Variants in FSTL4 observed in about 807,000 individuals in gnomAD.
FSTL4 encodes follistatin like 4, also known as follistatin-related protein 4.
FSTL4 carries 28 observed loss-of-function variants against 78.2 expected under a neutral mutation model. That is an observed-to-expected ratio of 0.36 (90% CI 0.27 to 0.49). The LOEUF (loss-of-function observed/expected upper bound fraction) is 0.49, where lower values mean the gene tolerates loss of function less well. Among genes scored for constraint, FSTL4 ranks in the 20% least tolerant of loss-of-function variants. The probability of loss-of-function intolerance (pLI) is 0.98; values close to 1 mark genes in which losing one functional copy is unlikely to be tolerated. For synonymous variants in FSTL4, 422 were observed against 440.5 expected, an observed-to-expected ratio of 0.96 and a Z score of 0.53; for missense variants, 922 against 1,084.9, an observed-to-expected ratio of 0.85 and a Z score of 2.11.
chr5:133,527,472 T>TACACACAC (rs3065527), intron 3 of FSTL4, among the ~76,000 whole-genome samples: 1 of 90,572 alleles, frequency 1.1e-5, no homozygotes, highest in Non-Finnish European at 2.5e-5. Context: ...TGTGCACGTG[T>TACACACAC]ACACACACAC....
At chr5:133,269,057 C>T (rs1752704056) in intron 6 of FSTL4, among the ~76,000 whole-genome samples, 1 of 152,024 alleles carries the variant, frequency 6.6e-6, no homozygotes, top group African/African-American at 2.4e-5. Context: ...TGGCGGGCGC[C>T]TGTAGTCCCA....
the FSTL4 span, among the ~76,000 whole-genome samples, chr5:133,743,903 G>T: frequency 6.6e-6 from 1 of 152,230 alleles, no homozygotes; most frequent in South Asian, 2.1e-4. Context: ...AGCCAGTCCA[G>T]TCAAAGTGAA....
intron 3 of FSTL4, among the ~76,000 whole-genome samples, chr5:133,497,251 G>C (rs1466060749): frequency 1.3e-5 from 2 of 152,224 alleles, no homozygotes; most frequent in Non-Finnish European, 2.9e-5. Context: ...AGGCACATCT[G>C]AGTTCCAATC....
At chr5:133,249,283 T>C in intron 7 of FSTL4, 127 bp downstream of exon 7, 1 of 740,720 alleles carries the variant, frequency 1.4e-6, no homozygotes, top group Non-Finnish European at 2.3e-6. Flanking sequence ...GACAACAGGC[T>C]AGAAAAGCAC....
the FSTL4 span, among the ~76,000 whole-genome samples, chr5:133,794,532 A>G: frequency 6.0e-4 from 91 of 152,322 alleles, no homozygotes; most frequent in Middle Eastern, 6.8e-3. Flanking sequence ...CTTTCTTCCA[A>G]AATGGCCACT....
intron 2 of FSTL4, among the ~76,000 whole-genome samples, chr5:133,580,621 G>A (rs942743553): frequency 2.0e-5 from 3 of 152,204 alleles, no homozygotes; most frequent in Non-Finnish European, 4.4e-5. Context: ...GACATCAGGC[G>A]GTCAGGCCGT....
intron 3 of FSTL4, among the ~76,000 whole-genome samples, chr5:133,491,078 C>T (rs753300441): frequency 6.6e-6 from 1 of 152,098 alleles, no homozygotes; most frequent in Non-Finnish European, 1.5e-5. Flanking sequence ...ACATAACAAA[C>T]CTGCACATGT....
At chr5:133,750,922 T>G in the FSTL4 span, among the ~76,000 whole-genome samples, 1 of 152,088 alleles carries the variant, frequency 6.6e-6, no homozygotes, top group Non-Finnish European at 1.5e-5. Context: ...TCCCTCCCTC[T>G]GCCCACTGAG....
the FSTL4 span, among the ~76,000 whole-genome samples, chr5:133,667,460 A>G: frequency 6.6e-6 from 1 of 152,212 alleles, no homozygotes; most frequent in African/African-American, 2.4e-5. Flanking sequence ...GTGGCCTCCC[A>G]TCCCAACCAG....
the FSTL4 span, among the ~76,000 whole-genome samples, chr5:133,813,023 T>C: frequency 3.3e-5 from 5 of 152,206 alleles, no homozygotes; most frequent in Non-Finnish European, 7.4e-5. Context: ...ATTCTGTTGA[T>C]TGGCTTTCCA....
chr5:133,371,478 T>TC lies in FSTL4; in HGVS notation c.409+29259dup, dbSNP rs1755298674. ...GGTCTACGGAAAGTGTGGGCCTGAC[T>TC]CCTGGTGGCAGGACGGACCTGTCTA... On this transcript the variant is annotated intron_variant, in intron 4 of 15. Coordinates refer to ENST00000265342, the MANE Select transcript of FSTL4 (RefSeq NM_015082.2). Among the ~76,000 whole-genome samples the TC allele has an allele frequency of 3.3e-5, 5 of 152,174 alleles. No individual in the cohort carries two copies. In the South Asian group the frequency reaches 1.0e-3, roughly 32 times the overall value.
chr5:133,396,070 G>A (rs1476963375), intron 4 of FSTL4, among the ~76,000 whole-genome samples: 3 of 152,138 alleles, frequency 2.0e-5, no homozygotes, highest in Non-Finnish European at 4.4e-5. Flanking sequence ...TAAATATGGA[G>A]GGCCAATGTT....
At chr5:133,340,578 G>A (rs767873877) in intron 4 of FSTL4, among the ~76,000 whole-genome samples, 63 of 152,122 alleles carry the variant, frequency 4.1e-4, no homozygotes, top group Non-Finnish European at 8.2e-4. Context: ...TTAGTCCCAC[G>A]TCACATTTCC....
At chr5:133,406,842 G>T (rs967241946) in intron 3 of FSTL4, among the ~76,000 whole-genome samples, 14 of 152,226 alleles carry the variant, frequency 9.2e-5, no homozygotes, top group Non-Finnish European at 1.9e-4. Flanking sequence ...TTTGTGGCAT[G>T]AATATATGCC....
At chr5:133,826,369 C>T in the FSTL4 span, among the ~76,000 whole-genome samples, 24 of 152,238 alleles carry the variant, frequency 1.6e-4, no homozygotes, top group African/African-American at 4.6e-4. Context: ...GGACCACAAA[C>T]TGGGTGGCTT....
chr5:133,240,739 G>C (rs949592339), intron 7 of FSTL4, among the ~76,000 whole-genome samples: 2 of 152,152 alleles, frequency 1.3e-5, no homozygotes, highest in Non-Finnish European at 2.9e-5. Flanking sequence ...GTGTCATGTG[G>C]TTCCTGTGCA....
chr5:133,283,287 T>C (rs1450741863), intron 6 of FSTL4, among the ~76,000 whole-genome samples: 1 of 152,028 alleles, frequency 6.6e-6, no homozygotes, highest in Non-Finnish European at 1.5e-5. Context: ...TGTGGCAGTG[T>C]TCTCCAAGGC....
At chr5:133,332,811 C>T (rs1754377747) in intron 4 of FSTL4, among the ~76,000 whole-genome samples, 1 of 152,212 alleles carries the variant, frequency 6.6e-6, no homozygotes, top group Non-Finnish European at 1.5e-5. Context: ...ATCACACTCT[C>T]ACCTCCATTT....
intron 4 of FSTL4, among the ~76,000 whole-genome samples, chr5:133,348,579 G>A (rs1055887198): frequency 3.9e-5 from 6 of 152,256 alleles, no homozygotes; most frequent in African/African-American, 1.4e-4. Context: ...CCAGGTGCAG[G>A]AGCTGAGGGG....
Sources: gnomAD v4.1 joint callset for allele counts (sites outside exome capture counted in the v4.1 genomes callset) on GRCh38, gnomAD v4.1.1 for gene constraint, MANE v1.5 for transcripts, NCBI Gene and HGNC (gene_info 2026-07-23, HGNC 2026-07-21) for gene names.